IPP: variants seen among roughly 807,000 people sequenced by gnomAD.
The protein encoded by IPP is intracisternal A particle-promoted polypeptide, also known as actin-binding protein IPP.
In IPP, 41 loss-of-function variants were observed where a neutral mutation model predicts 64.1. The ratio of observed to expected loss-of-function variants is 0.64; its 90% CI spans 0.50 to 0.83. The LOEUF is 0.83. Ranked by LOEUF, IPP falls within the 40% of genes least tolerant of loss-of-function variation. The pLI, the probability that IPP is intolerant of heterozygous loss-of-function variation, is 0.00. For synonymous variants in IPP, 214 were observed against 235.2 expected, an observed-to-expected ratio of 0.91 and a Z score of 0.83; for missense variants, 649 against 703.0, an observed-to-expected ratio of 0.92 and a Z score of 0.87.
chr1:45,698,301 A>T (rs1442623406), downstream of IPP, among the ~76,000 whole-genome samples: 5 of 152,180 alleles, frequency 3.3e-5, no homozygotes, highest in African/African-American at 4.8e-5. Context: ...TCAAAAAAAA[A>T]TTTTTTTTAC....
chr1:45,707,422 CAA>C (rs66578618), intron 8 of IPP, among the ~76,000 whole-genome samples: 3 of 73,568 alleles, frequency 4.1e-5, no homozygotes, highest in African/African-American at 6.1e-5. Context: ...GACTCCATAT[CAA>C]AAAAAAAAAA....
chr1:45,735,670 G>A (rs71653973), intron 3 of IPP, among the ~76,000 whole-genome samples: 6 of 102,014 alleles, frequency 5.9e-5, no homozygotes, highest in African/African-American at 2.3e-4. Context: ...TTGCTCTGTC[G>A]CCAGGCTGGA....
At chr1:45,734,791 TTTTC>T (rs989896449) in intron 3 of IPP, among the ~76,000 whole-genome samples, 1 of 152,028 alleles carries the variant, frequency 6.6e-6, no homozygotes, top group Non-Finnish European at 1.5e-5. Context: ...GGCTATTTTT[TTTTC>T]TTTGAGACAG....
intron 1 of IPP, among the ~76,000 whole-genome samples, chr1:45,748,279 A>G (rs1646167767): frequency 6.6e-6 from 1 of 152,214 alleles, no homozygotes; most frequent in South Asian, 2.1e-4. Flanking sequence ...TGTAAATATA[A>G]AACAATTATT....
chr1:45,737,457 CTTTTTTTTTT>C (rs778748035), intron 3 of IPP, among the ~76,000 whole-genome samples: 4 of 121,252 alleles, frequency 3.3e-5, no homozygotes, highest in Non-Finnish European at 7.1e-5. Flanking sequence ...ATAAACAATT[CTTTTTTTTTT>C]TTTTTTTTTT....
intron 8 of IPP, among the ~76,000 whole-genome samples, chr1:45,709,407 TG>T (rs1334848132): frequency 8.4e-6 from 1 of 119,740 alleles, no homozygotes; most frequent in Middle Eastern, 6.7e-3. Flanking sequence ...CACTCCAGCC[TG>T]GGCGACAGAG....
intron 5 of IPP, among the ~76,000 whole-genome samples, chr1:45,724,887 TG>T (rs1165662776): frequency 1.8e-3 from 223 of 126,990 alleles, no homozygotes; most frequent in East Asian, 0.013. Flanking sequence ...GGGAGGGAGG[TG>T]GGGGGGGTCA....
downstream of IPP, among the ~76,000 whole-genome samples, chr1:45,696,196 A>T (rs11587982): frequency 0.18 from 28,002 of 152,198 alleles, 2,958 homozygotes; most frequent in Non-Finnish European, 0.24. Flanking sequence ...CAGGTGAATT[A>T]CAGTGTATGC....
intron 2 of IPP, among the ~76,000 whole-genome samples, chr1:45,745,634 G>A (rs758290528): frequency 7.2e-5 from 11 of 152,018 alleles, no homozygotes; most frequent in South Asian, 4.2e-4. Flanking sequence ...CAAGGCGGGC[G>A]GATCATGAGG....
intron 8 of IPP, among the ~76,000 whole-genome samples, chr1:45,701,047 G>A (rs1645443816): frequency 6.6e-6 from 1 of 152,198 alleles, no homozygotes; most frequent in Non-Finnish European, 1.5e-5. Context: ...ACCAGGGGTT[G>A]GGAACTATAG....
chr1:45,706,619 T>C (rs1645516106), intron 8 of IPP, among the ~76,000 whole-genome samples: 3 of 152,074 alleles, frequency 2.0e-5, no homozygotes, highest in South Asian at 2.1e-4. Context: ...CCAGCTAATT[T>C]TGTATTTTAT....
downstream of IPP, chr1:45,696,936 A>G (rs1266736733): frequency 1.3e-5 from 2 of 152,218 alleles, no homozygotes; most frequent in East Asian, 3.8e-4. Context: ...ACCCCTTCAA[A>G]GTGTCATTTT....
At position 45,729,702 on chromosome 1, in the gene IPP, T is replaced by G. The variant is rs1039269088; in HGVS notation, c.792A>C (p.Lys264Asn). The change falls in exon 4 of 9, where the codon AAA (lysine) becomes AAC (asparagine). Residue 264 changes from lysine to asparagine, a missense_variant. By Grantham distance (94) the Lys-to-Asn change is moderately conservative. Coordinates refer to ENST00000396478, the MANE Select transcript of IPP (RefSeq NM_005897.3). ...TLLKEYCEVCKSPKENKFCSF... is the reference protein window; with the variant it reads ...TLLKEYCEVCNSPKENKFCSF... ...TACAAAACTTGTTCTCTTTGGGAGA[T>G]TTGCATACTTCACAGTACTCTTTCA... 1 of 1,610,626 alleles carries G rather than the reference T, an allele frequency of 6.2e-7. No homozygotes were observed. The highest frequency in any genetic ancestry group is 1.7e-5 in the Admixed American group (1 of 59,916).
intron 3 of IPP, among the ~76,000 whole-genome samples, chr1:45,731,892 C>T (rs551890402): frequency 1.4e-3 from 210 of 150,034 alleles, no homozygotes; most frequent in Non-Finnish European, 2.3e-3. Flanking sequence ...GCCAATATCA[C>T]GGCCACTGCA....
In IPP at chr1:45,741,062, C is replaced by G. The variant is rs1249428961; in HGVS notation, c.563G>C (p.Arg188Pro). 1 of 1,614,114 alleles carries G rather than the reference C, an allele frequency of 6.2e-7. No homozygotes were observed. The change falls in exon 3 of 9, where the codon CGA becomes CCA. Residue 188 changes from arginine to proline, a missense_variant. By Grantham distance (103) the Arg-to-Pro change is moderately radical. Coordinates refer to ENST00000396478, the MANE Select transcript of IPP (RefSeq NM_005897.3). ...LTKDQLIKIL[R>P]SEELSIEDEY... ...ATCCTCAATGCTAAGCTCTTCACTT[C>G]GCAAAATTTTGATCAGCTGATCTTT...
intron 3 of IPP, among the ~76,000 whole-genome samples, chr1:45,731,482 C>A (rs1433621122): frequency 6.6e-6 from 1 of 152,094 alleles, no homozygotes; most frequent in Non-Finnish European, 1.5e-5. Context: ...AACACATAGC[C>A]TTCAAATTTT....
intron 3 of IPP, among the ~76,000 whole-genome samples, chr1:45,738,097 C>T (rs1646003942): frequency 6.6e-6 from 1 of 152,160 alleles, no homozygotes; most frequent in African/African-American, 2.4e-5. Flanking sequence ...CAGTTTCAGG[C>T]ATCCACTGGG....
chr1:45,709,373 C>T (rs1201043831), intron 8 of IPP, among the ~76,000 whole-genome samples: 1 of 143,322 alleles, frequency 7.0e-6, no homozygotes, highest in East Asian at 2.1e-4. Flanking sequence ...GCAGAACTTG[C>T]ACTGAGCCGA....
intron 4 of IPP, 21 bp downstream of exon 4, chr1:45,729,593 C>CT (rs775718962): frequency 1.3e-6 from 2 of 1,586,692 alleles, no homozygotes; most frequent in Non-Finnish European, 8.6e-7. Flanking sequence ...ATTTCTATTA[C>CT]TTTTTTAAGG....
Sources: allele counts gnomAD v4.1 joint callset (sites outside exome capture counted in the v4.1 genomes callset), GRCh38; gene constraint gnomAD v4.1.1; transcripts MANE v1.5; gene names NCBI Gene and HGNC (gene_info 2026-07-23, HGNC 2026-07-21).